Variants in PARD3B observed in about 807,000 individuals in gnomAD.
The protein encoded by PARD3B is par-3 family cell polarity regulator beta.
PARD3B carries 103 observed loss-of-function variants against 130.2 expected under a neutral mutation model. The observed-to-expected ratio is 0.79, with a 90% confidence interval of 0.67 to 0.93. PARD3B has a LOEUF of 0.93. Ranked by LOEUF, PARD3B falls within the 40% of genes least tolerant of loss-of-function variation. The probability of loss-of-function intolerance (pLI) is 0.00; values close to 1 mark genes in which losing one functional copy is unlikely to be tolerated. For synonymous variants in PARD3B, 583 were observed against 553.2 expected (o/e 1.05, Z -0.76); for missense variants, 1,609 against 1,499.2 (o/e 1.07, Z -1.21).
At position 205,281,094 on chromosome 2, in the gene PARD3B, C is replaced by T. The variant is rs1457666785; in HGVS notation, c.2186-19436C>T. 6.6e-6 allele frequency among the ~76,000 whole-genome samples: 1 copy of T among 152,174 alleles called. No individual in the cohort carries two copies. The highest frequency in any genetic ancestry group is 2.4e-5 in the African/African-American group (1 of 41,448). On this transcript the variant is annotated intron_variant, in intron 16 of 22. Transcript: ENST00000406610. The surrounding 1 kb of genome is among the most constrained non-coding windows in gnomAD (Gnocchi z 4.2). ...TCACCCATGGCAACAATATTTAGGG[C>T]TTCTTACATTAGAGTGGCTGCTGGG...
chr2:205,297,945 A>C (rs1400916170), intron 16 of PARD3B, among the ~76,000 whole-genome samples: 1 of 152,156 alleles, frequency 6.6e-6, no homozygotes, highest in African/African-American at 2.4e-5. Flanking sequence ...ATGAATCCTT[A>C]ATGTTCAGTT....
chr2:205,012,378 T>C (rs1199156604), intron 3 of PARD3B, among the ~76,000 whole-genome samples: 2 of 152,192 alleles, frequency 1.3e-5, no homozygotes, highest in Non-Finnish European at 2.9e-5. Flanking sequence ...TCCTGATAGA[T>C]AGTATTTCCT....
intron 20 of PARD3B, among the ~76,000 whole-genome samples, chr2:205,467,981 A>G (rs1170982658): frequency 2.6e-5 from 4 of 152,216 alleles, no homozygotes; most frequent in African/African-American, 7.2e-5. Context: ...ATATCTAGAA[A>G]AATGTTCCCC....
At chr2:205,221,572 C>T (rs2038239495) in intron 15 of PARD3B, among the ~76,000 whole-genome samples, 1 of 152,122 alleles carries the variant, frequency 6.6e-6, no homozygotes, top group Admixed American at 6.5e-5. Flanking sequence ...GGACTGTTGG[C>T]CTGATCCTAC....
At chr2:205,227,547 A>G (rs1403779927) in intron 15 of PARD3B, among the ~76,000 whole-genome samples, 1 of 151,792 alleles carries the variant, frequency 6.6e-6, no homozygotes, top group African/African-American at 2.4e-5. Context: ...TTTTTTATCT[A>G]TTTATTTTCA....
chr2:205,198,316 C>T (rs528225968), intron 15 of PARD3B, among the ~76,000 whole-genome samples: 2 of 152,276 alleles, frequency 1.3e-5, no homozygotes, highest in South Asian at 4.1e-4. Flanking sequence ...TAAAGTGATG[C>T]ATGAGGCATT....
chr2:204,828,370 C>G (rs1575082916), intron 2 of PARD3B, among the ~76,000 whole-genome samples: 1 of 152,224 alleles, frequency 6.6e-6, no homozygotes, highest in African/African-American at 2.4e-5. Flanking sequence ...TGTGTTCTTT[C>G]TCTGCTCCAG....
Position 205,296,889 on chromosome 2 carries a change from AT to A in PARD3B, c.2186-3640del, listed in dbSNP as rs1218676895. 3.9e-4 allele frequency among the ~76,000 whole-genome samples: 59 copies of A among 150,652 alleles called. 2 individuals are homozygous for A. The highest frequency in any genetic ancestry group is 9.2e-4 in the African/African-American group (37 of 40,208). On this transcript the variant is annotated intron_variant, in intron 16 of 22. Coordinates refer to ENST00000406610, the MANE Select transcript of PARD3B (RefSeq NM_001302769.2). ...ATAACATCTTTTTAAAAAAAAAAAA[AT>A]ATGTGGCATTTTTTTAATGAGGCCA...
At position 204,578,271 on chromosome 2, in the gene PARD3B, G is replaced by A. The variant is rs575625961; in HGVS notation, c.120+32152G>A. Among the ~76,000 whole-genome samples, 5 of 152,240 alleles carry A rather than the reference G, an allele frequency of 3.3e-5. No individual in the cohort carries two copies. The South Asian group carries it at 6.2e-4, about 19-fold the overall frequency. On this transcript the variant is annotated intron_variant, in intron 1 of 22. Transcript: ENST00000406610. ...CTGATACTAAACTTACATAGGGAGC[G>A]TCTTGGCTTTGAGACTCTTCATCCA...
chr2:204,885,761 G>A (rs1027366823), intron 2 of PARD3B, among the ~76,000 whole-genome samples: 1 of 152,154 alleles, frequency 6.6e-6, no homozygotes, highest in South Asian at 2.1e-4. Flanking sequence ...GGGCCTATAT[G>A]TCCAGTTTCA....
intron 22 of PARD3B, among the ~76,000 whole-genome samples, chr2:205,567,312 T>G (rs1004024452): frequency 1.8e-3 from 202 of 114,704 alleles, no homozygotes; most frequent in African/African-American, 6.5e-3. Flanking sequence ...TTGTTTTTTT[T>G]TTTTTTTTTT....
At chr2:205,615,149 T>A (rs953020098) in intron 22 of PARD3B, among the ~76,000 whole-genome samples, 2 of 152,200 alleles carry the variant, frequency 1.3e-5, no homozygotes, top group Non-Finnish European at 2.9e-5. Context: ...ATGGAAGCAA[T>A]CCTGATTGAC....
intron 3 of PARD3B, among the ~76,000 whole-genome samples, chr2:205,024,940 G>A (rs1303015478): frequency 6.6e-6 from 1 of 152,164 alleles, no homozygotes; most frequent in Admixed American, 6.5e-5. Context: ...ATGTGGAAAA[G>A]CCTTCAAGAA....
intron 3 of PARD3B, among the ~76,000 whole-genome samples, chr2:205,033,529 A>G (rs553541068): frequency 6.6e-6 from 1 of 152,100 alleles, no homozygotes; most frequent in Non-Finnish European, 1.5e-5. Flanking sequence ...TCCACTAGTC[A>G]TTTAGTGCAT....
At chr2:204,940,416 C>T (rs1012709248) in intron 2 of PARD3B, among the ~76,000 whole-genome samples, 7 of 151,364 alleles carry the variant, frequency 4.6e-5, no homozygotes, top group African/African-American at 1.5e-4. Flanking sequence ...CCAGCATTGA[C>T]AGGTAAGTGA....
intron 3 of PARD3B, among the ~76,000 whole-genome samples, chr2:204,983,015 T>C (rs944581881): frequency 2.6e-5 from 4 of 152,154 alleles, no homozygotes; most frequent in Admixed American, 6.5e-5. Context: ...CTTTTTGTCT[T>C]GGTTTTCTCG....
intron 3 of PARD3B, among the ~76,000 whole-genome samples, chr2:204,981,698 A>G (rs889688487): frequency 2.0e-5 from 3 of 152,218 alleles, no homozygotes; most frequent in African/African-American, 7.2e-5. Context: ...GACAGTAACC[A>G]TAATAAATGA....
At chr2:204,795,466 C>G (rs933333752) in intron 2 of PARD3B, among the ~76,000 whole-genome samples, 2 of 152,168 alleles carry the variant, frequency 1.3e-5, no homozygotes, top group African/African-American at 4.8e-5. Flanking sequence ...TCAAAGGAAG[C>G]AGGAGTTGCC....
intron 1 of PARD3B, among the ~76,000 whole-genome samples, chr2:204,646,421 C>T (rs1363420282): frequency 1.3e-5 from 2 of 151,910 alleles, no homozygotes; most frequent in African/African-American, 4.8e-5. Flanking sequence ...TGCTTTCATT[C>T]AGTGTTTGTG....
Sources: gnomAD v4.1 joint callset for allele counts (sites outside exome capture counted in the v4.1 genomes callset) on GRCh38, gnomAD v4.1.1 for gene constraint, Gnocchi (gnomAD v3.1) non-coding constraint, MANE v1.5 for transcripts, NCBI Gene and HGNC (gene_info 2026-07-23, HGNC 2026-07-21) for gene names.